The following ADCY3 variants were observed in gnomAD, a reference collection of about 807,000 sequenced individuals.
ADCY3 encodes the protein adenylate cyclase type 3.
In ADCY3, 70 loss-of-function variants were observed where a neutral mutation model predicts 119.4. The ratio of observed to expected loss-of-function variants is 0.59; its 90% confidence interval spans 0.48 to 0.72. ADCY3 has a LOEUF of 0.72. Ranked by LOEUF, ADCY3 falls within the 30% of genes least tolerant of loss-of-function variation. The probability of loss-of-function intolerance (pLI) is 0.00; values close to 1 mark genes in which losing one functional copy is unlikely to be tolerated. For missense variants in ADCY3, 1,238 were observed against 1,541.6 expected (o/e 0.80, Z 3.30); for synonymous variants, 672 against 621.4 (o/e 1.08, Z -1.21).
intron 14 of ADCY3, 125 bp downstream of exon 14, chr2:24,827,777 G>C: frequency 2.7e-6 from 4 of 1,486,086 alleles, no homozygotes; most frequent in Non-Finnish European, 1.8e-6. Flanking sequence ...ACTGGTTCTT[G>C]AACAAGCCTT....
intron 20 of ADCY3, 125 bp from the exon 21 acceptor site, chr2:24,820,973 A>G (rs1667568729): frequency 4.3e-6 from 6 of 1,390,472 alleles, no homozygotes; most frequent in East Asian, 4.7e-5. Context: ...TCCTCATTCA[A>G]CTTGGCTGTA....
chr2:24,870,236 G>A (rs915410650), intron 3 of ADCY3, among the ~76,000 whole-genome samples: 7 of 147,954 alleles, frequency 4.7e-5, no homozygotes, highest in Admixed American at 1.4e-4. Flanking sequence ...CAGGAGAATC[G>A]CTTGAACCCG....
chr2:24,828,666 G>A (rs767654576), intron 13 of ADCY3, among the ~76,000 whole-genome samples: 3 of 152,238 alleles, frequency 2.0e-5, no homozygotes, highest in Non-Finnish European at 2.9e-5. Context: ...GGCAGATGCG[G>A]CCGGGAGAAA....
intron 11 of ADCY3, among the ~76,000 whole-genome samples, chr2:24,833,658 G>A (rs114497851): frequency 0.013 from 2,041 of 152,296 alleles, 18 homozygotes; most frequent in Non-Finnish European, 0.019. Flanking sequence ...GTGCCGCATC[G>A]CTGCCATAGC....
intron 11 of ADCY3, among the ~76,000 whole-genome samples, chr2:24,833,856 G>C (rs1192706026): frequency 6.6e-6 from 1 of 152,248 alleles, no homozygotes. Flanking sequence ...CGCAACCTTA[G>C]ATAGTGTGAC....
At position 24,841,668 on chromosome 2, in the gene ADCY3, C is replaced by T. The variant is rs1264468252; in HGVS notation, c.957-1G>A. On this transcript the variant is annotated splice_acceptor_variant, in intron 4 of 21. Transcript: ENST00000679454. LOFTEE classifies it high-confidence loss of function. The surrounding 1 kb of genome is among the most constrained non-coding windows in gnomAD (Gnocchi z 5.8). ...GCCCACGATGTCGGCAAAGAGGATG[C>T]TGCATGAGGAAGGAACCGTGGGGGT... is the stretch of plus-strand genomic sequence containing the variant. 6.2e-7 allele frequency: 1 copy of T among 1,612,566 alleles called. No homozygotes were observed. The highest frequency in any genetic ancestry group is 1.3e-5 in the African/African-American group (1 of 75,016).
intron 12 of ADCY3, among the ~76,000 whole-genome samples, chr2:24,831,412 G>A (rs375388685): frequency 5.3e-5 from 8 of 152,132 alleles, no homozygotes; most frequent in South Asian, 2.1e-4. Flanking sequence ...GTGCTGCAGC[G>A]CCACGGCCCA....
intron 17 of ADCY3, among the ~76,000 whole-genome samples, chr2:24,823,947 G>A (rs1191551239): frequency 7.2e-5 from 11 of 152,124 alleles, no homozygotes; most frequent in African/African-American, 9.7e-5. Context: ...CACCCGCCTC[G>A]GCCTCCCAAA....
At chr2:24,861,761 G>A (rs1432171939) in intron 3 of ADCY3, among the ~76,000 whole-genome samples, 2 of 152,184 alleles carry the variant, frequency 1.3e-5, no homozygotes, top group African/African-American at 4.8e-5. Context: ...CTGGCTGGAA[G>A]AGAGAAGGGG....
rs970318842 is a variant in ADCY3 at position 24,819,791 on chromosome 2, C to G, written c.*141G>C. ...AGGGCCACCCTCAGAGCTCACACATCCACGAACAAATGAAGGCTGAGGAGG... is the reference window on the plus strand; with the variant it reads ...AGGGCCACCCTCAGAGCTCACACATGCACGAACAAATGAAGGCTGAGGAGG... On this transcript the variant is annotated 3_prime_UTR_variant, in exon 22 of 22. Transcript: ENST00000679454. The G allele has an allele frequency of 2.3e-6, 2 of 888,492 alleles. No individual in the cohort carries two copies. The highest frequency in any genetic ancestry group is 5.6e-5 in the Admixed American group (2 of 35,912). 55.0% of individuals were successfully genotyped at this position (888,492 alleles called of 1,614,324 possible). A position where few individuals can be genotyped will look rare whatever the true frequency, so the allele number is the denominator to read the frequency against.
chr2:24,853,204 C>T (rs1190541931), intron 3 of ADCY3, among the ~76,000 whole-genome samples: 1 of 152,068 alleles, frequency 6.6e-6, no homozygotes, highest in African/African-American at 2.4e-5. Flanking sequence ...ACCCTCAAAG[C>T]CAGTGCGATG....
intron 19 of ADCY3, 169 bp downstream of exon 19, chr2:24,822,342 C>T (rs577582857): frequency 1.2e-5 from 12 of 977,002 alleles, no homozygotes; most frequent in African/African-American, 3.3e-5. Context: ...CTCTGCTTGC[C>T]GAACTTTCTC....
intron 16 of ADCY3, chr2:24,825,507 G>A (rs1189429112): frequency 6.5e-6 from 1 of 154,270 alleles, no homozygotes; most frequent in African/African-American, 2.4e-5. Flanking sequence ...GCTAATTTTT[G>A]TATTTTTTAG....
intron 9 of ADCY3, among the ~76,000 whole-genome samples, chr2:24,835,271 C>CA (rs1395074888): frequency 6.6e-6 from 1 of 152,210 alleles, no homozygotes; most frequent in Non-Finnish European, 1.5e-5. Context: ...TGGGCTGAGG[C>CA]AGTCCTGGCA....
chr2:24,834,616 G>A lies in ADCY3; in HGVS notation c.1836C>T (p.Ser612=), dbSNP rs1004125659. The A allele has an allele frequency of 1.1e-5, 17 of 1,614,032 alleles. No homozygotes were observed. The Admixed American group carries it at 1.8e-4, about 17-fold the overall frequency. The change falls in exon 11 of 22, where the codon TCC becomes TCT. Residue 612 remains serine, a synonymous_variant. Transcript: ENST00000679454. The surrounding 1 kb of genome is among the most constrained non-coding windows in gnomAD (Gnocchi z 4.2). The part of the protein sequence containing the change: ...VVKKRNTFLL[S]MRFMDPEMET... The stretch of plus-strand genomic sequence containing the variant: ...CCATCTCGGGGTCCATGAACCGCAT[G>A]GACAAGAGGAAGGTGTTTCTCTTCT...
chr2:24,852,493 C>T (rs963702520), intron 3 of ADCY3, among the ~76,000 whole-genome samples: 5 of 152,216 alleles, frequency 3.3e-5, no homozygotes, highest in Admixed American at 6.5e-5. Flanking sequence ...CCGGCCTCCC[C>T]GGCCTCACTG....
chr2:24,897,353 T>C (rs372189182), intron 2 of ADCY3, among the ~76,000 whole-genome samples: 9 of 151,598 alleles, frequency 5.9e-5, no homozygotes, highest in Non-Finnish European at 1.0e-4. Flanking sequence ...CCCACCTCCA[T>C]TGCTACCACT....
chr2:24,852,053 G>T (rs925552988), intron 3 of ADCY3, among the ~76,000 whole-genome samples: 3 of 152,188 alleles, frequency 2.0e-5, no homozygotes, highest in Admixed American at 6.5e-5. Context: ...GACCCAGACC[G>T]AAGCCCTGGT....
At position 24,826,129 on chromosome 2, in the gene ADCY3, G is replaced by A. The variant is rs746455819; in HGVS notation, c.2496-3C>T. On this transcript the variant is annotated splice_polypyrimidine_tract_variant and splice_region_variant and intron_variant, in intron 15 of 21. Transcript: ENST00000679454. Reference sequence around the variant, plus strand: ...ACTTGGAAGGCACCAGGGGCAGCCTGCTGGGCAGAGCGTGTGCAACTGAAA... The same window carrying A: ...ACTTGGAAGGCACCAGGGGCAGCCTACTGGGCAGAGCGTGTGCAACTGAAA... 3.7e-6 allele frequency: 6 copies of A among 1,613,652 alleles called. No individual in the cohort carries two copies. The Admixed American group carries it at 8.3e-5, about 22-fold the overall frequency.
Sources: gnomAD v4.1 joint callset for allele counts (sites outside exome capture counted in the v4.1 genomes callset) on GRCh38, gnomAD v4.1.1 for gene constraint, Gnocchi (gnomAD v3.1) non-coding constraint, MANE v1.5 for transcripts, NCBI Gene and HGNC (gene_info 2026-07-23, HGNC 2026-07-21) for gene names.